Variants in PI4KA observed in about 807,000 individuals in gnomAD.
The protein encoded by PI4KA is phosphatidylinositol 4-kinase alpha, also known as PI4-kinase alpha.
A neutral mutation model predicts 271.4 loss-of-function variants in PI4KA; 122 were observed. That is an observed-to-expected ratio of 0.45 (90% CI 0.39 to 0.52). PI4KA has a LOEUF of 0.52. Among genes scored for constraint, PI4KA ranks in the 20% least tolerant of loss-of-function variants. PI4KA has a pLI of 0.00. For missense variants in PI4KA, 1,969 were observed against 2,769.1 expected (o/e 0.71, Z 6.48); for synonymous variants, 1,041 against 1,078.8 (o/e 0.96, Z 0.69).
intron 22 of PI4KA, among the ~76,000 whole-genome samples, chr22:20,763,378 G>A (rs1317617217): frequency 4.0e-5 from 6 of 151,888 alleles, no homozygotes; most frequent in Non-Finnish European, 7.4e-5. Context: ...CCAAAGTGTT[G>A]GGATGACAGG....
intron 4 of PI4KA, 57 bp downstream of exon 4, chr22:20,824,269 T>G: frequency 9.3e-7 from 1 of 1,073,820 alleles, no homozygotes; most frequent in Non-Finnish European, 1.5e-6. Context: ...TTTCATCACT[T>G]TGGGACTCTA....
rs117628474 is a variant in PI4KA, at chr22:20,856,600, A to G, written c.156+1970T>C. On this transcript the variant is annotated intron_variant, in intron 1 of 54. Coordinates refer to ENST00000255882, the MANE Select transcript of PI4KA (RefSeq NM_058004.4). ...GAGGCACGTGCCACCACACCTGGCT[A>G]ATGTTGGGTTTTTAGCAGAGACAGG... Among the ~76,000 whole-genome samples the G allele has an allele frequency of 1.4e-3, 219 of 152,104 alleles. 1 individual carries two copies. The highest frequency in any genetic ancestry group is 0.01 in the East Asian group (53 of 5,134).
intron 26 of PI4KA, 22 bp from the exon 27 acceptor site, chr22:20,751,398 C>A: frequency 6.2e-7 from 1 of 1,604,034 alleles, no homozygotes; most frequent in South Asian, 1.1e-5. Flanking sequence ...GCAAGACTCC[C>A]TCTTCCAAAC....
At chr22:20,796,869 C>G (rs5760678) in intron 17 of PI4KA, among the ~76,000 whole-genome samples, 1 of 152,132 alleles carries the variant, frequency 6.6e-6, no homozygotes, top group South Asian at 2.1e-4. Context: ...ATGTAAACCC[C>G]GGATGTGAAG....
intron 21 of PI4KA, 51 bp from the exon 22 acceptor site, chr22:20,765,001 C>T (rs1476446107): frequency 1.9e-6 from 3 of 1,584,092 alleles, no homozygotes; most frequent in Non-Finnish European, 2.6e-6. Context: ...CCAGGACAAA[C>T]AGGTCCCAGT....
Position 20,858,758 on chromosome 22 carries a change from C to T in PI4KA, c.-33G>A, listed in dbSNP as rs1305074198. ...CGAGCCGCGGCGCTGCCCGCCGGCTCCCCGCTCCTGGCCCGCGAGCGCCCG... is the reference window on the plus strand; with the variant it reads ...CGAGCCGCGGCGCTGCCCGCCGGCTTCCCGCTCCTGGCCCGCGAGCGCCCG... On this transcript the variant is annotated 5_prime_UTR_variant, in exon 1 of 55. Coordinates refer to ENST00000255882, the MANE Select transcript of PI4KA (RefSeq NM_058004.4). 2 of 1,370,244 alleles carry T rather than the reference C, an allele frequency of 1.5e-6. No individual in the cohort carries two copies. The highest frequency in any genetic ancestry group is 1.6e-5 in the South Asian group (1 of 63,800). The allele number at this position is 1,370,244 out of a possible 1,614,324, so 84.9% of individuals were successfully genotyped here. A position where few individuals can be genotyped will look rare whatever the true frequency, so the allele number is the denominator to read the frequency against.
rs371247142 is a variant in PI4KA at position 20,807,478 on chromosome 22, A to C, written c.1072-20T>G. 110 of 1,433,282 alleles carry C rather than the reference A, an allele frequency of 7.7e-5. No individual in the cohort carries two copies. The highest frequency in any genetic ancestry group is 1.1e-4 in the Non-Finnish European group (108 of 1,015,660). 88.8% of individuals were successfully genotyped at this position (1,433,282 alleles called of 1,614,324 possible). On this transcript the variant is annotated intron_variant, in intron 9 of 54. Transcript: ENST00000255882. ...GTTGGCCTGCAGGGAAGGCAGACAC[A>C]CATGACTATAGAACAGAAATGCCCT... is the stretch of plus-strand genomic sequence containing the variant.
At position 20,858,793 on chromosome 22, in the gene PI4KA, C is replaced by A; in HGVS notation, c.-68G>T. On this transcript the variant is annotated 5_prime_UTR_variant, in exon 1 of 55. Transcript: ENST00000255882. ...GGCCCGCGAGCGCCCGACCTCAGGG[C>A]GCAGGCGTAGGTGCATCCGGCTTTC... is the stretch of plus-strand genomic sequence containing the variant. 10 of 1,367,162 alleles carry A rather than the reference C, an allele frequency of 7.3e-6. No homozygotes were observed. Among genetic ancestry groups the A allele is most frequent in the Admixed American group, 3.1e-5 (1 of 32,624 alleles). The allele number at this position is 1,367,162 out of a possible 1,614,324, so 84.7% of individuals were successfully genotyped here. A position where few individuals can be genotyped will look rare whatever the true frequency, so the allele number is the denominator to read the frequency against.
At chr22:20,712,844 C>T in intron 48 of PI4KA, 47 bp from the exon 49 acceptor site, 4 of 1,550,798 alleles carry the variant, frequency 2.6e-6, no homozygotes, top group South Asian at 1.2e-5. Flanking sequence ...CGTCCTTGCA[C>T]CCCAGCAGCT....
chr22:20,769,685 C>T (rs1251009497), intron 19 of PI4KA, among the ~76,000 whole-genome samples: 1 of 144,552 alleles, frequency 6.9e-6, no homozygotes, highest in East Asian at 2.1e-4. Flanking sequence ...AAAAAAAAAT[C>T]AAGGTCAGGG....
At position 20,742,218 on chromosome 22, in the gene PI4KA, A is replaced by G; in HGVS notation, c.3741+10T>C. ...CCATCCTCACTGCCAACCCGAGGTC[A>G]GGGTCCTACCGGCACTTCCACTCCA... On this transcript the variant is annotated intron_variant, in intron 32 of 54. Transcript: ENST00000255882. The G allele has an allele frequency of 6.2e-7, 1 of 1,613,298 alleles. No homozygotes were observed. The highest frequency in any genetic ancestry group is 8.5e-7 in the Non-Finnish European group (1 of 1,179,598).
chr22:20,718,723 T>C lies in PI4KA; in HGVS notation c.5216A>G (p.Asn1739Ser), dbSNP rs1291926744. ...DFYQREFDFF[N>S]KITNVSAIIK... ...GATAGCCGACACGTTGGTGATCTTG[T>C]TAAAGAAATCAAACTCCCGCTGGTA... Residue 1739 changes from asparagine to serine, a missense_variant, in exon 44 of 55, where the codon AAC becomes AGC. This residue lies in a region of PI4KA where 388 missense variants were observed against 521.5 expected (regional missense o/e 0.74). Transcript: ENST00000255882. The C allele has an allele frequency of 2.5e-6, 4 of 1,613,810 alleles. No individual in the cohort carries two copies. The highest frequency in any genetic ancestry group is 4.5e-5 in the East Asian group (2 of 44,882).
intron 48 of PI4KA, 59 bp downstream of exon 48, chr22:20,713,222 G>A: frequency 8.1e-7 from 1 of 1,228,858 alleles, no homozygotes. Context: ...GGCGGGCCTG[G>A]AGCCTTGGGG....
chr22:20,793,215 A>T lies in PI4KA; in HGVS notation c.2306T>A (p.Val769Glu). 1 of 1,576,284 alleles carries T rather than the reference A, an allele frequency of 6.3e-7. No homozygotes were observed. Among genetic ancestry groups the T allele is most frequent in the Non-Finnish European group, 8.7e-7 (1 of 1,145,788 alleles). Reference protein sequence around the residue: ...KASSSAGNLGVLIPVIAVLTR... With the variant: ...KASSSAGNLGELIPVIAVLTR... ...CACCACAGCTATTACAGGAATGAGT[A>T]CTCCCAAGTTCCCTGCACTGCTAGA... The change falls in exon 19 of 55, where the codon GTA (valine) becomes GAA (glutamate). Residue 769 changes from valine to glutamate, a missense_variant. By Grantham distance (121) the Val-to-Glu change is moderately radical (BLOSUM62 -2). Coordinates refer to ENST00000255882, the MANE Select transcript of PI4KA (RefSeq NM_058004.4).
intron 45 of PI4KA, among the ~76,000 whole-genome samples, chr22:20,716,833 A>G (rs977418698): frequency 1.4e-4 from 21 of 152,194 alleles, no homozygotes; most frequent in African/African-American, 4.1e-4. Context: ...GCTCAACACA[A>G]TGTGTTGGGA....
chr22:20,849,605 C>CA (rs1207467929), intron 1 of PI4KA, among the ~76,000 whole-genome samples: 2 of 152,158 alleles, frequency 1.3e-5, no homozygotes, highest in African/African-American at 4.8e-5. Context: ...GTAATCCCAG[C>CA]ACTTTGGGAG....
chr22:20,784,841 T>C (rs1351094600), intron 19 of PI4KA, among the ~76,000 whole-genome samples: 2 of 152,192 alleles, frequency 1.3e-5, no homozygotes, highest in African/African-American at 2.4e-5. Context: ...TCTTACTGGA[T>C]ACTGGCTAGG....
At chr22:20,829,431 G>C (rs1262542824) in intron 3 of PI4KA, among the ~76,000 whole-genome samples, 1 of 152,056 alleles carries the variant, frequency 6.6e-6, no homozygotes, top group Admixed American at 6.6e-5. Flanking sequence ...AGGTTTTCTG[G>C]CTTGTAGGCA....
chr22:20,796,644 G>A (rs993261081), intron 17 of PI4KA, among the ~76,000 whole-genome samples: 3 of 152,242 alleles, frequency 2.0e-5, no homozygotes, highest in African/African-American at 7.2e-5. Flanking sequence ...GGCTGAAAAT[G>A]AAAGGGCCCA....
Sources: allele counts gnomAD v4.1 joint callset (sites outside exome capture counted in the v4.1 genomes callset), GRCh38; gene constraint gnomAD v4.1.1; regional missense constraint gnomAD v4.1.1; transcripts MANE v1.5; gene names NCBI Gene and HGNC (gene_info 2026-07-23, HGNC 2026-07-21).